The following TSPEAR variants were observed in gnomAD, a reference collection of about 807,000 sequenced individuals.
TSPEAR encodes thrombospondin type laminin G domain and EAR repeats, also known as thrombospondin-type laminin G domain and EAR repeat-containing protein.
A neutral mutation model predicts 71.6 loss-of-function variants in TSPEAR; 69 were observed. The ratio of observed to expected loss-of-function variants is 0.96; its 90% CI spans 0.79 to 1.18. TSPEAR has a LOEUF of 1.18. Among genes scored for constraint, TSPEAR ranks in the 50% most tolerant of loss-of-function variants. The pLI is 0.00. For missense variants in TSPEAR, 971 were observed against 894.9 expected, an observed-to-expected ratio of 1.09 and a Z score of -1.09; for synonymous variants, 402 against 387.2, an observed-to-expected ratio of 1.04 and a Z score of -0.45.
chr21:44,637,953 G>T (rs368623494), intron 1 of TSPEAR: 8 of 1,613,888 alleles, frequency 5.0e-6, no homozygotes, highest in Non-Finnish European at 5.9e-6. Context: ...CCTGCTTGCT[G>T]CACCGCCTCC....
At chr21:44,555,398 C>T (rs1475697722) in intron 2 of TSPEAR, among the ~76,000 whole-genome samples, 12 of 152,216 alleles carry the variant, frequency 7.9e-5, no homozygotes, top group African/African-American at 2.2e-4. Context: ...GGCACACAGC[C>T]TAGAAATGGG....
In TSPEAR at chr21:44,522,053, C is replaced by T. The variant is rs587757797; in HGVS notation, c.1396G>A (p.Glu466Lys). The change falls in exon 9 of 12, where the codon GAG (glutamate) becomes AAG (lysine). Residue 466 changes from glutamate to lysine, a missense_variant. Transcript: ENST00000323084. ...GAGGTGGCGATGGTCTGGTTGGCCT[C>T]GAAGAGCCGGGTTGCCGGGTTCCAC... Reference protein sequence around the residue: ...YKWNPATRLFEANQTIATSGA... With the variant: ...YKWNPATRLFKANQTIATSGA... 2.1e-5 allele frequency: 34 copies of T among 1,614,056 alleles called. No homozygotes were observed. The highest frequency in any genetic ancestry group is 3.3e-5 in the South Asian group (3 of 91,066).
In TSPEAR at chr21:44,531,269, G is replaced by A. The variant is rs757246434; in HGVS notation, c.543-136C>T. On this transcript the variant is annotated intron_variant, in intron 3 of 11. Transcript: ENST00000323084. ...GCTGCCACACAAAGGATGGCACACAGGGCTGATCGCCTGCACAGCTCTGGA... is the reference window on the plus strand; with the variant it reads ...GCTGCCACACAAAGGATGGCACACAAGGCTGATCGCCTGCACAGCTCTGGA... 383 of 678,628 alleles carry A rather than the reference G, an allele frequency of 5.6e-4. 1 individual carries two copies. Among genetic ancestry groups the A allele is most frequent in the Middle Eastern group, 2.3e-3 (9 of 3,948 alleles). 42.0% of individuals were successfully genotyped at this position (678,628 alleles called of 1,614,324 possible). A position where few individuals can be genotyped will look rare whatever the true frequency, so the allele number is the denominator to read the frequency against.
At chr21:44,561,049 GT>G (rs2053625984) in intron 2 of TSPEAR, among the ~76,000 whole-genome samples, 1 of 152,032 alleles carries the variant, frequency 6.6e-6, no homozygotes, top group Non-Finnish European at 1.5e-5. Context: ...CCAGGAGCTG[GT>G]TTTTTGAAAA....
chr21:44,525,153 G>T (rs1190422363), intron 8 of TSPEAR, among the ~76,000 whole-genome samples: 3 of 151,630 alleles, frequency 2.0e-5, no homozygotes, highest in Non-Finnish European at 4.4e-5. Context: ...CAGTCAGGTA[G>T]TTAGTCAGTC....
At chr21:44,574,941 G>T (rs1555923667) in intron 1 of TSPEAR, 1 of 1,604,784 alleles carries the variant, frequency 6.2e-7, no homozygotes, top group Middle Eastern at 1.7e-4. Context: ...CTGCCGCCCA[G>T]CCTCCTGCGT....
intron 1 of TSPEAR, among the ~76,000 whole-genome samples, chr21:44,580,814 C>T (rs1378020095): frequency 3.9e-5 from 6 of 152,118 alleles, no homozygotes; most frequent in Non-Finnish European, 7.4e-5. Flanking sequence ...GTTTTTCCCT[C>T]ATTAAACTTG....
intron 1 of TSPEAR, among the ~76,000 whole-genome samples, chr21:44,573,434 G>C (rs147543723): frequency 2.0e-5 from 3 of 152,052 alleles, no homozygotes; most frequent in African/African-American, 7.2e-5. Flanking sequence ...CACCCTCCAC[G>C]TGCGCCTGGG....
At chr21:44,659,230 G>A (rs1985350248) in intron 1 of TSPEAR, among the ~76,000 whole-genome samples, 1 of 151,810 alleles carries the variant, frequency 6.6e-6, no homozygotes, top group Non-Finnish European at 1.5e-5. Flanking sequence ...AGGCATGCAG[G>A]GGCGTGTGAA....
rs997558750 is a variant in TSPEAR, at chr21:44,652,882, T to A, written c.82+58551A>T. Among the ~76,000 whole-genome samples, 5 of 151,864 alleles carry A rather than the reference T, an allele frequency of 3.3e-5. No individual in the cohort carries two copies. The South Asian group carries it at 1.0e-3, about 32-fold the overall frequency. On this transcript the variant is annotated intron_variant, in intron 1 of 11. Transcript: ENST00000323084. ...TAAAATGTAGAGTCTTCTGGCGGGG[T>A]GTGGTGGCTCACACCTGTAATCCCA...
At chr21:44,504,313 A>AGG (rs1328443378) in intron 11 of TSPEAR, among the ~76,000 whole-genome samples, 1 of 107,530 alleles carries the variant, frequency 9.3e-6, no homozygotes, top group Non-Finnish European at 1.8e-5. Context: ...GTGAGCCCTT[A>AGG]GGGGGAAGCA....
intron 9 of TSPEAR, among the ~76,000 whole-genome samples, chr21:44,511,540 G>C (rs2052378861): frequency 6.6e-6 from 1 of 152,084 alleles, no homozygotes; most frequent in African/African-American, 2.4e-5. Context: ...GTGTATACTT[G>C]CACACATGCC....
intron 1 of TSPEAR, chr21:44,573,681 A>G: frequency 6.4e-7 from 1 of 1,561,756 alleles, no homozygotes; most frequent in Non-Finnish European, 8.7e-7. Context: ...AGCCCCACAA[A>G]CCCGAGCACC....
intron 1 of TSPEAR, among the ~76,000 whole-genome samples, chr21:44,701,808 GC>G (rs1555951560): frequency 6.6e-6 from 1 of 151,374 alleles, no homozygotes; most frequent in Non-Finnish European, 1.5e-5. Context: ...TTCCTAACAG[GC>G]CACGGCTGTA....
chr21:44,651,540 C>G (rs587641905), intron 1 of TSPEAR, among the ~76,000 whole-genome samples: 3 of 152,102 alleles, frequency 2.0e-5, no homozygotes, highest in African/African-American at 7.2e-5. Context: ...GGAAATGGCT[C>G]GAGCCCTTGG....
intron 1 of TSPEAR, chr21:44,647,371 C>G (rs781859439): frequency 6.2e-6 from 10 of 1,608,396 alleles, no homozygotes; most frequent in Admixed American, 5.0e-5. Flanking sequence ...CAATCCTTGT[C>G]TCCTGCTGAC....
chr21:44,635,693 G>T (rs1285704887), intron 1 of TSPEAR, among the ~76,000 whole-genome samples: 1 of 152,170 alleles, frequency 6.6e-6, no homozygotes, highest in African/African-American at 2.4e-5. Context: ...GGTTCCTTCG[G>T]GAGCGATGAT....
chr21:44,567,154 T>G (rs1383325730), intron 2 of TSPEAR, among the ~76,000 whole-genome samples: 1 of 152,204 alleles, frequency 6.6e-6, no homozygotes, highest in African/African-American at 2.4e-5. Context: ...TCTTTATAAC[T>G]GAGCAATAAG....
At chr21:44,636,862 G>T (rs75291200) in intron 1 of TSPEAR, among the ~76,000 whole-genome samples, 1 of 152,198 alleles carries the variant, frequency 6.6e-6, no homozygotes, top group Non-Finnish European at 1.5e-5. Context: ...GAGGAGGGGA[G>T]GTCCTCCCTG....
Sources: gnomAD v4.1 joint callset for allele counts (sites outside exome capture counted in the v4.1 genomes callset) on GRCh38, gnomAD v4.1.1 for gene constraint, MANE v1.5 for transcripts, NCBI Gene and HGNC (gene_info 2026-07-23, HGNC 2026-07-21) for gene names.